RCOR1: variants seen among roughly 807,000 people sequenced by gnomAD.
The protein encoded by RCOR1 is REST corepressor 1.
Under a neutral mutation model 64.0 loss-of-function variants are expected in RCOR1, and 12 were observed. The observed-to-expected ratio is 0.19, with a 90% CI of 0.12 to 0.30. The LOEUF (loss-of-function observed/expected upper bound fraction) is 0.30, where lower values mean the gene tolerates loss of function less well. Ranked by LOEUF, RCOR1 falls within the 10% of genes least tolerant of loss-of-function variation. The probability of loss-of-function intolerance (pLI) is 1.00; values close to 1 mark genes in which losing one functional copy is unlikely to be tolerated. For synonymous variants in RCOR1, 279 were observed against 227.2 expected, an observed-to-expected ratio of 1.23 and a Z score of -2.05; for missense variants, 502 against 621.2, an observed-to-expected ratio of 0.81 and a Z score of 2.04.
chr14:102,634,612 G>A (rs1894194470), intron 2 of RCOR1, among the ~76,000 whole-genome samples: 1 of 150,702 alleles, frequency 6.6e-6, no homozygotes, highest in Non-Finnish European at 1.5e-5. Flanking sequence ...GTGTGTGTGT[G>A]TATGTATGTG....
intron 2 of RCOR1, among the ~76,000 whole-genome samples, chr14:102,627,971 G>A (rs1894017652): frequency 6.6e-6 from 1 of 151,596 alleles, no homozygotes; most frequent in African/African-American, 2.4e-5. Context: ...GTGTGTGTGT[G>A]TGTGTGTGTG....
chr14:102,684,510 G>T (rs1895374440), intron 3 of RCOR1, among the ~76,000 whole-genome samples: 1 of 152,164 alleles, frequency 6.6e-6, no homozygotes, highest in Non-Finnish European at 1.5e-5. Context: ...GAGAAGGCAG[G>T]ATGAGGACGG....
At chr14:102,714,715 C>A in intron 8 of RCOR1, 98 bp downstream of exon 8, 1 of 953,370 alleles carries the variant, frequency 1.0e-6, no homozygotes, top group Non-Finnish European at 1.5e-6. Flanking sequence ...CCGCAAATCT[C>A]AAAGGAGCAT....
intron 3 of RCOR1, among the ~76,000 whole-genome samples, chr14:102,684,271 A>G (rs1266032751): frequency 2.0e-5 from 3 of 152,224 alleles, no homozygotes; most frequent in Non-Finnish European, 4.4e-5. Context: ...TGTTCACGTT[A>G]TGAAAATTGA....
chr14:102,653,158 A>G (rs1894626575), intron 2 of RCOR1, among the ~76,000 whole-genome samples: 1 of 152,010 alleles, frequency 6.6e-6, no homozygotes, highest in Non-Finnish European at 1.5e-5. Context: ...TCTTGACCTC[A>G]TGATCTTCCT....
chr14:102,662,494 G>T (rs1894843941), intron 2 of RCOR1: 1 of 527,268 alleles, frequency 1.9e-6, no homozygotes, highest in African/African-American at 1.9e-5. Flanking sequence ...TAATATGGTG[G>T]TCAAGCTTGT....
At chr14:102,663,320 C>G (rs927758039) in intron 2 of RCOR1, among the ~76,000 whole-genome samples, 4 of 152,194 alleles carry the variant, frequency 2.6e-5, no homozygotes, top group African/African-American at 7.2e-5. Context: ...ATTGTGAAAA[C>G]AGACTAATGC....
At chr14:102,638,581 A>G (rs1894293509) in intron 2 of RCOR1, among the ~76,000 whole-genome samples, 1 of 148,682 alleles carries the variant, frequency 6.7e-6, no homozygotes, top group Non-Finnish European at 1.5e-5. Context: ...CCTGACTTCA[A>G]GTGAGCTACT....
Position 102,593,311 on chromosome 14 carries a change from C to T in RCOR1, c.347C>T (p.Pro116Leu). The part of the protein sequence containing the change: ...RVGPQYQAVV[P>L]DFDPAKLARR... ...GGACCCCAGTACCAGGCGGTGGTGC[C>T]CGACTTCGACCCCGGTGAGTAGCGG... is the stretch of plus-strand genomic sequence containing the variant. The change falls in exon 2 of 12, where the codon CCC (proline) becomes CTC (leucine). Residue 116 changes from proline (P) to leucine (L), a missense_variant. By Grantham distance (98) the Pro-to-Leu change is moderately conservative. This residue lies in a region of RCOR1 where 242 missense variants were observed against 204.9 expected (regional missense o/e 1.18). Coordinates refer to ENST00000262241, the MANE Select transcript of RCOR1 (RefSeq NM_015156.4). 1 of 1,547,118 alleles carries T rather than the reference C, an allele frequency of 6.5e-7. No individual in the cohort carries two copies. The highest frequency in any genetic ancestry group is 1.4e-5 in the African/African-American group (1 of 70,262).
chr14:102,650,993 G>T (rs569249739), intron 2 of RCOR1: 3 of 869,316 alleles, frequency 3.5e-6, no homozygotes, highest in Non-Finnish European at 4.1e-6. Flanking sequence ...TAGAATACAG[G>T]TATCTTAATG....
rs1407003095 is a variant in RCOR1 at position 102,593,041 on chromosome 14, C to T, written c.155C>T (p.Ser52Phe). The T allele has an allele frequency of 3.7e-6, 5 of 1,356,612 alleles. No homozygotes were observed. The highest frequency in any genetic ancestry group is 3.8e-6 in the Non-Finnish European group (4 of 1,045,460). 84.0% of individuals were successfully genotyped at this position (1,356,612 alleles called of 1,614,324 possible). Reference protein sequence around the residue: ...AATAASGAAASSASAAAASAA... With the variant: ...AATAASGAAAFSASAAAASAA... ...ACTGCCGCCTCGGGCGCCGCCGCCT[C>T]CTCAGCCTCGGCCGCCGCCGCCTCA... The change falls in exon 1 of 12, where the codon TCC becomes TTC. Residue 52 changes from serine to phenylalanine, a missense_variant. Physicochemically the swap from Ser to Phe is radical, Grantham distance 155. This residue lies in a region of RCOR1 where 242 missense variants were observed against 204.9 expected (regional missense o/e 1.18). Coordinates refer to ENST00000262241, the MANE Select transcript of RCOR1 (RefSeq NM_015156.4).
chr14:102,707,720 C>G (rs919500122), intron 5 of RCOR1, among the ~76,000 whole-genome samples: 1 of 152,082 alleles, frequency 6.6e-6, no homozygotes, highest in African/African-American at 2.4e-5. Flanking sequence ...CCCATCCTGT[C>G]GTCTGTGACT....
At chr14:102,659,528 C>T (rs1254259527) in intron 2 of RCOR1, among the ~76,000 whole-genome samples, 5 of 152,242 alleles carry the variant, frequency 3.3e-5, no homozygotes, top group Non-Finnish European at 5.9e-5. Context: ...AAAGTGTGGT[C>T]GAGAGAGCTC....
intron 2 of RCOR1, among the ~76,000 whole-genome samples, chr14:102,597,947 C>G (rs895775437): frequency 4.0e-5 from 6 of 151,596 alleles, no homozygotes; most frequent in African/African-American, 1.5e-4. Flanking sequence ...CTCAGCCTCC[C>G]GAGTAGCCGG....
chr14:102,592,681 G>T lies in RCOR1; in HGVS notation c.-206G>T. On this transcript the variant is annotated 5_prime_UTR_variant, in exon 1 of 12. Coordinates refer to ENST00000262241, the MANE Select transcript of RCOR1 (RefSeq NM_015156.4). ...GTGAAGTGAGGGCGGCGATGAGAGCGAAAGTTGCGCTCGGCTCGTCGCTGG... is the reference window on the plus strand; with the variant it reads ...GTGAAGTGAGGGCGGCGATGAGAGCTAAAGTTGCGCTCGGCTCGTCGCTGG... 8.1e-7 allele frequency: 1 copy of T among 1,228,270 alleles called. No individual in the cohort carries two copies. The highest frequency in any genetic ancestry group is 1.0e-6 in the Non-Finnish European group (1 of 985,816). 76.1% of individuals were successfully genotyped at this position (1,228,270 alleles called of 1,614,324 possible). A position where few individuals can be genotyped will look rare whatever the true frequency, so the allele number is the denominator to read the frequency against.
intron 2 of RCOR1, among the ~76,000 whole-genome samples, chr14:102,612,900 T>C (rs1435615879): frequency 1.4e-5 from 2 of 145,032 alleles, no homozygotes; most frequent in Non-Finnish European, 3.0e-5. Flanking sequence ...GAGGCTGCTA[T>C]GAGGTATGAT....
At position 102,724,429 on chromosome 14, in the gene RCOR1, C is replaced by T. The variant is rs150591326; in HGVS notation, c.1419+2013C>T. ...AACCTCCATCTCCCAGGTTCAAGTG[C>T]TTCTCCTGCCTCAGCCCTCAGCCTC... is the stretch of plus-strand genomic sequence containing the variant. On this transcript the variant is annotated intron_variant, in intron 11 of 11. Coordinates refer to ENST00000262241, the MANE Select transcript of RCOR1 (RefSeq NM_015156.4). Among the ~76,000 whole-genome samples, 1,169 of 152,016 alleles carry T rather than the reference C, an allele frequency of 7.7e-3. 11 individuals carry two copies. Among genetic ancestry groups the T allele is most frequent in the African/African-American group, 0.027 (1,111 of 41,472 alleles).
chr14:102,693,529 A>C (rs1375152743), intron 3 of RCOR1, among the ~76,000 whole-genome samples: 2 of 152,148 alleles, frequency 1.3e-5, no homozygotes, highest in Non-Finnish European at 2.9e-5. Context: ...CCACATTGCA[A>C]ACAGTGGGAC....
At chr14:102,646,479 A>G (rs190912940) in intron 2 of RCOR1, among the ~76,000 whole-genome samples, 1 of 152,348 alleles carries the variant, frequency 6.6e-6, no homozygotes, top group South Asian at 2.1e-4. Context: ...GCAAGAAGGT[A>G]TAAAGTAGGG....
Sources: gnomAD v4.1 joint callset for allele counts (sites outside exome capture counted in the v4.1 genomes callset) on GRCh38, gnomAD v4.1.1 for gene constraint, gnomAD v4.1.1 regional missense constraint, MANE v1.5 for transcripts, NCBI Gene and HGNC (gene_info 2026-07-23, HGNC 2026-07-21) for gene names.